Variants in TRAIP observed in about 807,000 individuals in gnomAD.
TRAIP encodes the protein E3 ubiquitin-protein ligase TRAIP.
Under a neutral mutation model 65.0 loss-of-function variants are expected in TRAIP, and 37 were observed. The observed-to-expected ratio is 0.57, with a 90% confidence interval of 0.44 to 0.75. The LOEUF (loss-of-function observed/expected upper bound fraction) is 0.75. TRAIP is among the 30% of genes least tolerant of loss of function. TRAIP has a pLI of 0.00. For missense variants in TRAIP, 481 were observed against 579.4 expected, an observed-to-expected ratio of 0.83 and a Z score of 1.74; for synonymous variants, 187 against 219.1, an observed-to-expected ratio of 0.85 and a Z score of 1.29.
At chr3:49,840,638 G>A in intron 8 of TRAIP, 1 of 560,014 alleles carries the variant, frequency 1.8e-6, no homozygotes. Flanking sequence ...CAGGTTCCAG[G>A]AGCCCTTCTA....
chr3:49,834,090 C>T (rs1219269550), intron 10 of TRAIP, among the ~76,000 whole-genome samples: 2 of 152,146 alleles, frequency 1.3e-5, no homozygotes, highest in Admixed American at 1.3e-4. Context: ...CCATTGCCTG[C>T]GTGGCATGGG....
At chr3:49,832,399 A>C (rs2081742093) in intron 10 of TRAIP, among the ~76,000 whole-genome samples, 1 of 151,382 alleles carries the variant, frequency 6.6e-6, no homozygotes, top group Non-Finnish European at 1.5e-5. Context: ...CTGAGGCAGG[A>C]GAATTGCTTG....
chr3:49,832,700 C>CGGGGGGGG lies in TRAIP; in HGVS notation c.885-640_885-633dup, dbSNP rs77955232. The stretch of plus-strand genomic sequence containing the variant: ...TGAGTGTGTTTTTACTTTTATAACA[C>CGGGGGGGG]GGGGGGGGGGGGGGGGTGGGGGGTG... On this transcript the variant is annotated intron_variant, in intron 10 of 14. Coordinates refer to ENST00000331456, the MANE Select transcript of TRAIP (RefSeq NM_005879.3). Among the ~76,000 whole-genome samples the CGGGGGGGG allele has an allele frequency of 2.5e-3, 15 of 6,088 alleles. 2 individuals carry two copies. The highest frequency in any genetic ancestry group is 2.9e-3 in the Non-Finnish European group (10 of 3,436). 4.0% of individuals were successfully genotyped at this position (6,088 alleles called of 152,430 possible).
At chr3:49,848,063 G>T in intron 2 of TRAIP, 80 bp downstream of exon 2, 1 of 1,532,718 alleles carries the variant, frequency 6.5e-7, no homozygotes, top group Non-Finnish European at 9.0e-7. Context: ...AGATATTGCA[G>T]TTTCAGAGCT....
intron 12 of TRAIP, 93 bp from the exon 13 acceptor site, chr3:49,829,859 G>A: frequency 6.3e-7 from 1 of 1,586,604 alleles, no homozygotes; most frequent in Non-Finnish European, 8.6e-7. Flanking sequence ...GATCTCTGAT[G>A]CCTCACTAGG....
chr3:49,846,109 C>T (rs1240769899), intron 3 of TRAIP, among the ~76,000 whole-genome samples: 1 of 152,184 alleles, frequency 6.6e-6, no homozygotes, highest in Non-Finnish European at 1.5e-5. Flanking sequence ...AGGGAAACTA[C>T]CCACTTTCCC....
intron 9 of TRAIP, among the ~76,000 whole-genome samples, chr3:49,840,082 C>A (rs2081825683): frequency 6.6e-6 from 1 of 152,212 alleles, no homozygotes; most frequent in Non-Finnish European, 1.5e-5. Flanking sequence ...AGGGAAGACT[C>A]ATGGTTCTGT....
chr3:49,843,669 G>A, intron 5 of TRAIP, 132 bp downstream of exon 5: 3 of 1,213,946 alleles, frequency 2.5e-6, no homozygotes, highest in Non-Finnish European at 2.3e-6. Context: ...GAAGTGATTT[G>A]CCTCTATTTT....
At chr3:49,845,526 G>C (rs2081874464) in intron 3 of TRAIP, among the ~76,000 whole-genome samples, 1 of 152,212 alleles carries the variant, frequency 6.6e-6, no homozygotes, top group Non-Finnish European at 1.5e-5. Context: ...TCTCCACCTA[G>C]GACTCTGGGG....
Position 49,853,584 on chromosome 3 carries a change from G to A in TRAIP, c.98+2772C>T, listed in dbSNP as rs147187167. Among the ~76,000 whole-genome samples, 745 of 152,230 alleles carry A rather than the reference G, an allele frequency of 4.9e-3. 8 individuals carry two copies. Among genetic ancestry groups the A allele is most frequent in the African/African-American group, 0.017 (703 of 41,548 alleles). On this transcript the variant is annotated intron_variant, in intron 1 of 14. Coordinates refer to ENST00000331456, the MANE Select transcript of TRAIP (RefSeq NM_005879.3). ...AGATAGGCCAGGCACGGTAGCTCAC[G>A]CCTGTAATCCCAGCACTTTGGGAGG...
chr3:49,850,957 G>A (rs1012388679), intron 1 of TRAIP, among the ~76,000 whole-genome samples: 1 of 150,546 alleles, frequency 6.6e-6, no homozygotes, highest in African/African-American at 2.4e-5. Context: ...AATAGCCTGC[G>A]TTTTCCTGTT....
chr3:49,852,727 C>T (rs575817413), intron 1 of TRAIP, among the ~76,000 whole-genome samples: 6 of 151,718 alleles, frequency 4.0e-5, no homozygotes, highest in Admixed American at 2.6e-4. Flanking sequence ...TGCACTCCAG[C>T]CTGGGTGACA....
chr3:49,839,581 C>T (rs1255426159), intron 10 of TRAIP, 191 bp downstream of exon 10: 3 of 604,786 alleles, frequency 5.0e-6, no homozygotes, highest in Admixed American at 5.8e-5. Flanking sequence ...CTTCTCTGGC[C>T]TCTCCGTGTC....
chr3:49,829,745 C>T lies in TRAIP; in HGVS notation c.1108G>A (p.Gly370Ser), dbSNP rs1389769872. The T allele has an allele frequency of 6.2e-7, 1 of 1,614,042 alleles. No individual in the cohort carries two copies. Among genetic ancestry groups the T allele is most frequent in the African/African-American group, 1.3e-5 (1 of 74,918 alleles). ...TCTGGCTCTCCTGCACAGCTCTGGC[C>T]ACCCAGTGAGAGCTGGGACTCCTGC... ...PRKESQLSLGGQSCAGEPDEE... is the reference protein window; with the variant it reads ...PRKESQLSLGSQSCAGEPDEE... The change falls in exon 13 of 15, where the codon GGC becomes AGC. Residue 370 changes from glycine (G) to serine (S), a missense_variant. By Grantham distance (56) the Gly-to-Ser change is moderately conservative. Coordinates refer to ENST00000331456, the MANE Select transcript of TRAIP (RefSeq NM_005879.3).
chr3:49,848,351 G>T, intron 1 of TRAIP, 151 bp from the exon 2 acceptor site: 1 of 809,530 alleles, frequency 1.2e-6, no homozygotes, highest in Non-Finnish European at 2.0e-6. Flanking sequence ...GGCAGTTACA[G>T]CACCTCCCGC....
intron 11 of TRAIP, 147 bp downstream of exon 11, chr3:49,831,769 A>C: frequency 1.2e-6 from 1 of 827,930 alleles, no homozygotes; most frequent in Non-Finnish European, 1.7e-6. Flanking sequence ...GTGAGGGAAC[A>C]AGAGGTAGCT....
At chr3:49,837,736 C>T (rs1161776123) in intron 10 of TRAIP, among the ~76,000 whole-genome samples, 1 of 151,932 alleles carries the variant, frequency 6.6e-6, no homozygotes, top group Admixed American at 6.6e-5. Context: ...CGCCTGCCAC[C>T]ACACCCAGCT....
chr3:49,854,597 G>T (rs1243101366), intron 1 of TRAIP, among the ~76,000 whole-genome samples: 1 of 152,072 alleles, frequency 6.6e-6, no homozygotes, highest in Non-Finnish European at 1.5e-5. Context: ...TCCTACCAAG[G>T]CAAGAAAGGA....
At position 49,856,526 on chromosome 3, in the gene TRAIP, G is replaced by C; in HGVS notation, c.-73C>G. The stretch of plus-strand genomic sequence containing the variant: ...TCCGGCTTCGTAGACGCGCCCCCGC[G>C]CCTCCGCTTGCTTCAAATTTGGCTC... On this transcript the variant is annotated 5_prime_UTR_variant, in exon 1 of 15. Coordinates refer to ENST00000331456, the MANE Select transcript of TRAIP (RefSeq NM_005879.3). The C allele has an allele frequency of 7.2e-7, 1 of 1,382,390 alleles. No individual in the cohort carries two copies. Among genetic ancestry groups the C allele is most frequent in the Non-Finnish European group, 1.0e-6 (1 of 995,844 alleles). 85.6% of individuals were successfully genotyped at this position (1,382,390 alleles called of 1,614,324 possible). A position where few individuals can be genotyped will look rare whatever the true frequency, so the allele number is the denominator to read the frequency against.
Sources: gnomAD v4.1 joint callset for allele counts (sites outside exome capture counted in the v4.1 genomes callset) on GRCh38, gnomAD v4.1.1 for gene constraint, MANE v1.5 for transcripts, NCBI Gene and HGNC (gene_info 2026-07-23, HGNC 2026-07-21) for gene names.